SCLT1: variants seen among roughly 807,000 people sequenced by gnomAD.
SCLT1 encodes sodium channel and clathrin linker 1.
A neutral mutation model predicts 112.8 loss-of-function variants in SCLT1; 78 were observed. That is an observed-to-expected ratio of 0.69 (90% CI 0.58 to 0.83). The LOEUF is 0.83. SCLT1 is among the 40% of genes least tolerant of loss of function. SCLT1 has a pLI of 0.00. For synonymous variants in SCLT1, 257 were observed against 254.7 expected, an observed-to-expected ratio of 1.01 and a Z score of -0.09; for missense variants, 747 against 770.4, an observed-to-expected ratio of 0.97 and a Z score of 0.36.
At chr4:129,058,864 G>A (rs1406883719) in intron 2 of SCLT1, among the ~76,000 whole-genome samples, 2 of 151,954 alleles carry the variant, frequency 1.3e-5, no homozygotes, top group Non-Finnish European at 2.9e-5. Context: ...ATTTATAATT[G>A]TTATATTTAT....
At chr4:129,002,029 C>T (rs1171405590) in intron 6 of SCLT1, among the ~76,000 whole-genome samples, 1 of 151,794 alleles carries the variant, frequency 6.6e-6, no homozygotes, top group Non-Finnish European at 1.5e-5. Flanking sequence ...GTGTTAAATA[C>T]ATGTTCCTTA....
intron 18 of SCLT1, among the ~76,000 whole-genome samples, chr4:128,915,754 C>G (rs1049946470): frequency 2.6e-5 from 4 of 151,894 alleles, no homozygotes; most frequent in African/African-American, 9.7e-5. Flanking sequence ...CAAATATGTT[C>G]TGGATATCTA....
At chr4:128,887,727 A>G (rs1276961538) in intron 20 of SCLT1, among the ~76,000 whole-genome samples, 2 of 152,158 alleles carry the variant, frequency 1.3e-5, no homozygotes, top group African/African-American at 4.8e-5. Context: ...ATTAAGAGAA[A>G]TTATCCCTTA....
At chr4:128,943,240 G>T in intron 16 of SCLT1, 52 bp from the exon 17 acceptor site, 2 of 1,251,368 alleles carry the variant, frequency 1.6e-6, no homozygotes, top group Non-Finnish European at 2.2e-6. Flanking sequence ...ATCTATAGTA[G>T]AAGATAAAAG....
At chr4:129,029,085 TAAA>T (rs900509607) in intron 5 of SCLT1, among the ~76,000 whole-genome samples, 1 of 152,114 alleles carries the variant, frequency 6.6e-6, no homozygotes, top group Non-Finnish European at 1.5e-5. Context: ...GGTGGGACTG[TAAA>T]GTAGTTCAAC....
chr4:128,922,119 T>C (rs1009602909), intron 18 of SCLT1, among the ~76,000 whole-genome samples: 9 of 152,100 alleles, frequency 5.9e-5, no homozygotes, highest in Non-Finnish European at 1.0e-4. Flanking sequence ...CACATCAGAA[T>C]TGATATTATT....
intron 18 of SCLT1, among the ~76,000 whole-genome samples, chr4:128,899,812 G>T (rs1446136157): frequency 2.0e-5 from 3 of 152,122 alleles, no homozygotes; most frequent in African/African-American, 7.2e-5. Flanking sequence ...AAGCTGATAG[G>T]CAACTTCAGC....
At chr4:129,036,265 A>G (rs1303941084) in intron 5 of SCLT1, among the ~76,000 whole-genome samples, 1 of 152,114 alleles carries the variant, frequency 6.6e-6, no homozygotes, top group Admixed American at 6.5e-5. Context: ...CTCATGAGAC[A>G]TGACTGAATT....
chr4:128,891,918 T>C (rs1416064627), intron 18 of SCLT1, among the ~76,000 whole-genome samples: 1 of 152,190 alleles, frequency 6.6e-6, no homozygotes, highest in Non-Finnish European at 1.5e-5. Context: ...GTGCTGGGAT[T>C]ATAGGCATGA....
intron 5 of SCLT1, among the ~76,000 whole-genome samples, chr4:129,013,850 C>T (rs1261863894): frequency 6.6e-6 from 1 of 152,084 alleles, no homozygotes; most frequent in African/African-American, 2.4e-5. Context: ...TGAATGTTAC[C>T]CTCTCAAGCT....
intron 13 of SCLT1, 87 bp from the exon 14 acceptor site, chr4:128,952,927 T>C: frequency 2.7e-6 from 2 of 742,864 alleles, no homozygotes; most frequent in East Asian, 2.5e-5. Context: ...ATAATTTTGA[T>C]AAAAATAAAA....
In SCLT1 at chr4:128,886,103, A is replaced by AT. The variant is rs1202078943; in HGVS notation, c.2005-1565dup. On this transcript the variant is annotated intron_variant, in intron 20 of 20. Coordinates refer to ENST00000281142, the MANE Select transcript of SCLT1 (RefSeq NM_144643.4). ...TTTGAAACTGTGATTATATTTATTA[A>AT]TTTTTTTCTTAGCTTCTAGGTTTTG... 6.8e-4 allele frequency among the ~76,000 whole-genome samples: 103 copies of AT among 152,122 alleles called. 3 individuals carry two copies. The highest frequency in any genetic ancestry group is 1.2e-4 in the Non-Finnish European group (8 of 68,012).
intron 6 of SCLT1, 85 bp downstream of exon 6, chr4:129,003,652 ATTTT>A: frequency 2.9e-6 from 3 of 1,033,896 alleles, no homozygotes; most frequent in Non-Finnish European, 4.2e-6. Flanking sequence ...CAATTTTATT[ATTTT>A]GTTATCCATA....
Position 128,977,481 on chromosome 4 carries a change from G to A in SCLT1, c.687-7013C>T, listed in dbSNP as rs1406512739. Among the ~76,000 whole-genome samples the A allele has an allele frequency of 2.0e-5, 3 of 152,150 alleles. No homozygotes were observed. In the East Asian group the frequency reaches 5.8e-4, roughly 29 times the overall value. ...GTTCATATTGTAATGGAGGGAGACA[G>A]GCAACAAGTATTTCAATAAATCAGG... On this transcript the variant is annotated intron_variant, in intron 9 of 20. Transcript: ENST00000281142.
chr4:128,927,754 G>A (rs1736413204), intron 18 of SCLT1, among the ~76,000 whole-genome samples: 1 of 151,240 alleles, frequency 6.6e-6, no homozygotes, highest in Non-Finnish European at 1.5e-5. Context: ...ATGAAAGAAA[G>A]GAGAGGGGTA....
chr4:128,997,850 G>T, intron 8 of SCLT1, 24 bp downstream of exon 8: 1 of 1,147,392 alleles, frequency 8.7e-7, no homozygotes, highest in Non-Finnish European at 1.2e-6. Flanking sequence ...ACAATTTCTA[G>T]TTTATATAAA....
intron 9 of SCLT1, among the ~76,000 whole-genome samples, chr4:128,989,645 C>T (rs956585556): frequency 5.5e-4 from 82 of 150,454 alleles, no homozygotes; most frequent in African/African-American, 1.9e-3. Context: ...AAAATTCAGA[C>T]TAAAAAATAC....
chr4:128,975,858 T>TTTTTTCCTCTTCCCAATC (rs1345389162), intron 9 of SCLT1, among the ~76,000 whole-genome samples: 1 of 152,156 alleles, frequency 6.6e-6, no homozygotes, highest in African/African-American at 2.4e-5. Context: ...TTATTTCAAA[T>TTTTTTCCTCTTCCCAATC]TTTTTCCTCT....
At chr4:128,970,116 A>G (rs982962181) in intron 10 of SCLT1, among the ~76,000 whole-genome samples, 1 of 152,218 alleles carries the variant, frequency 6.6e-6, no homozygotes, top group African/African-American at 2.4e-5. Context: ...TTGATCTTGT[A>G]TCAATTTGCG....
Sources: gnomAD v4.1 joint callset for allele counts (sites outside exome capture counted in the v4.1 genomes callset) on GRCh38, gnomAD v4.1.1 for gene constraint, MANE v1.5 for transcripts, NCBI Gene and HGNC (gene_info 2026-07-23, HGNC 2026-07-21) for gene names.